The following PPFIA4 variants were observed in gnomAD, a reference collection of about 807,000 sequenced individuals.
PPFIA4 encodes the protein PPFI scaffold protein A4.
In PPFIA4, 98 loss-of-function variants were observed where a neutral mutation model predicts 145.7. The ratio of observed to expected loss-of-function variants is 0.67; its 90% CI spans 0.57 to 0.80. PPFIA4 has a LOEUF of 0.80. PPFIA4 is among the 30% of genes least tolerant of loss of function. The probability of loss-of-function intolerance (pLI) is 0.00; values close to 1 mark genes in which losing one functional copy is unlikely to be tolerated. For synonymous variants in PPFIA4, 628 were observed against 649.6 expected (o/e 0.97, Z 0.51); for missense variants, 1,457 against 1,632.7 (o/e 0.89, Z 1.85).
intron 15 of PPFIA4, among the ~76,000 whole-genome samples, chr1:203,054,890 G>A (rs1416125523): frequency 2.0e-5 from 3 of 152,218 alleles, no homozygotes; most frequent in South Asian, 4.1e-4. Context: ...TTGTGAAAGG[G>A]AGTGGGCATC....
chr1:203,035,425 G>A (rs1659169579), intron 1 of PPFIA4: 2 of 426,370 alleles, frequency 4.7e-6, no homozygotes, highest in Non-Finnish European at 4.8e-6. Context: ...TGACTTTTGG[G>A]ATGCCAAAGA....
chr1:203,038,371 C>T (rs949875294), intron 1 of PPFIA4, among the ~76,000 whole-genome samples: 2 of 152,202 alleles, frequency 1.3e-5, no homozygotes, highest in Admixed American at 6.5e-5. Context: ...GCCACTGCGG[C>T]TGCACTTCTG....
chr1:203,075,924 C>A lies in PPFIA4; in HGVS notation c.3574+167C>A. The A allele has an allele frequency of 1.4e-6, 1 of 709,344 alleles. No individual in the cohort carries two copies. The highest frequency in any genetic ancestry group is 2.1e-6 in the Non-Finnish European group (1 of 480,392). The allele number at this position is 709,344 out of a possible 1,614,324, so 43.9% of individuals were successfully genotyped here. A position where few individuals can be genotyped will look rare whatever the true frequency, so the allele number is the denominator to read the frequency against. The stretch of plus-strand genomic sequence containing the variant: ...CGCGGGGAGCGTGTGTGCGCACTAA[C>A]CCGCCGCTCTGTGTGTTCTCCCGCG... On this transcript the variant is annotated intron_variant, in intron 29 of 29. Transcript: ENST00000295706. The surrounding 1 kb of genome is among the most constrained non-coding windows in gnomAD (Gnocchi z 4.1).
intron 1 of PPFIA4, among the ~76,000 whole-genome samples, chr1:203,033,873 A>G (rs1030845900): frequency 5.3e-5 from 8 of 152,276 alleles, no homozygotes; most frequent in Non-Finnish European, 8.8e-5. Context: ...AATCCCAGCT[A>G]CTCGGAGGCT....
At chr1:203,039,691 C>T (rs928833786) in intron 2 of PPFIA4, among the ~76,000 whole-genome samples, 1 of 152,232 alleles carries the variant, frequency 6.6e-6, no homozygotes, top group Admixed American at 6.5e-5. Flanking sequence ...ATAGGCAGGG[C>T]TGAATCTAGC....
At chr1:203,035,400 A>G (rs1659167502) in intron 1 of PPFIA4, 1 of 437,994 alleles carries the variant, frequency 2.3e-6, no homozygotes, top group Non-Finnish European at 4.6e-6. Context: ...CCTGTGTGTT[A>G]GGAAAAGGTG....
chr1:203,076,450 C>T lies in PPFIA4; in HGVS notation c.*60C>T. 2 of 1,503,906 alleles carry T rather than the reference C, an allele frequency of 1.3e-6. No homozygotes were observed. The highest frequency in any genetic ancestry group is 1.7e-5 in the Admixed American group (1 of 59,752). The allele number at this position is 1,503,906 out of a possible 1,614,324, so 93.2% of individuals were successfully genotyped here. ...TTTCACAGGCTCCTCTGGCCCTGAC[C>T]CCTCTTGCTCGTTCCCCTTCCTTCC... On this transcript the variant is annotated 3_prime_UTR_variant, in exon 30 of 30. Coordinates refer to ENST00000295706, the MANE Select transcript of PPFIA4 (RefSeq NM_001304331.2).
At position 203,060,265 on chromosome 1, in the gene PPFIA4, G is replaced by A. The variant is rs925019525; in HGVS notation, c.2632G>A (p.Val878Ile). ...AWYVAACRAN[V>I]KSGAIMSALS... is the part of the protein sequence containing the mutation. ...GTATGTGGCAGCCTGCCGGGCCAAC[G>A]TCAAGAGTGGTGCCATCATGTCCGC... is the stretch of plus-strand genomic sequence containing the variant. The change falls in exon 22 of 30, where the codon GTC becomes ATC. Residue 878 changes from valine (V) to isoleucine (I), a missense_variant. Coordinates refer to ENST00000295706, the MANE Select transcript of PPFIA4 (RefSeq NM_001304331.2). The surrounding 1 kb of genome is among the most constrained non-coding windows in gnomAD (Gnocchi z 4.8). 65 of 1,614,034 alleles carry A rather than the reference G, an allele frequency of 4.0e-5. No homozygotes were observed. In the East Asian group the frequency reaches 9.4e-4, roughly 23 times the overall value.
Position 203,049,656 on chromosome 1 carries a change from C to T in PPFIA4, c.1420-20C>T, listed in dbSNP as rs1660352660. On this transcript the variant is annotated intron_variant, in intron 12 of 29. Coordinates refer to ENST00000295706, the MANE Select transcript of PPFIA4 (RefSeq NM_001304331.2). ...TCCCTGGCCCCCACTCCCGCCCCCA[C>T]CCCGGGTCTGCTGGCACAGGGCCGC... The T allele has an allele frequency of 1.3e-6, 2 of 1,504,840 alleles. No individual in the cohort carries two copies. The highest frequency in any genetic ancestry group is 2.5e-5 in the East Asian group (1 of 39,506). 93.2% of individuals were successfully genotyped at this position (1,504,840 alleles called of 1,614,324 possible).
chr1:203,027,096 G>A (rs1774845), intron 1 of PPFIA4, among the ~76,000 whole-genome samples: 61,998 of 152,156 alleles, frequency 0.41, 13,063 homozygotes, highest in African/African-American at 0.49. Flanking sequence ...TAGCACCCCT[G>A]TTCCTGTCGC....
rs761747469 is a variant in PPFIA4, at chr1:203,046,001, G to T, written c.1005+14G>T. The T allele has an allele frequency of 6.2e-7, 1 of 1,612,336 alleles. No homozygotes were observed. Among genetic ancestry groups the T allele is most frequent in the Non-Finnish European group, 8.5e-7 (1 of 1,179,842 alleles). ...CTGCACCGCCAGGTACCTCCTCAGGGTGGGGTGGGGATGGGCATTGTACTT... is the reference window on the plus strand; with the variant it reads ...CTGCACCGCCAGGTACCTCCTCAGGTTGGGGTGGGGATGGGCATTGTACTT... On this transcript the variant is annotated intron_variant, in intron 8 of 29. Transcript: ENST00000295706.
In PPFIA4 at chr1:203,045,450, T is replaced by TCAC; in HGVS notation, c.751_753dup (p.Thr251dup). 4 of 1,609,962 alleles carry TCAC rather than the reference T, an allele frequency of 2.5e-6. No homozygotes were observed. The highest frequency in any genetic ancestry group is 3.4e-6 in the Non-Finnish European group (4 of 1,178,754). ...TTGAGCCAGGCCCGGGAGCGACTGG[T>TCAC]CACCCTAACAACAACCGTGACTGAA... On this transcript the variant is annotated inframe_insertion, in exon 7 of 30. Transcript: ENST00000295706.
intron 9 of PPFIA4, among the ~76,000 whole-genome samples, chr1:203,046,665 T>C (rs891839116): frequency 6.6e-5 from 10 of 151,408 alleles, no homozygotes; most frequent in East Asian, 1.9e-4. Flanking sequence ...CTTTTTCTTT[T>C]TTTTTTTTTT....
Position 203,056,364 on chromosome 1 carries a change from T to C in PPFIA4, c.2107-11T>C, listed in dbSNP as rs773413348. On this transcript the variant is annotated splice_polypyrimidine_tract_variant and intron_variant, in intron 17 of 29. Transcript: ENST00000295706. The stretch of plus-strand genomic sequence containing the variant: ...TCCCTCTATCCCCTGACGGCTCCAC[T>C]GTCTGTTCAGTCGCCAGTGTCTCGG... 2.5e-6 allele frequency: 4 copies of C among 1,613,298 alleles called. No homozygotes were observed. The highest frequency in any genetic ancestry group is 2.7e-5 in the African/African-American group (2 of 74,900).
chr1:203,047,548 C>A (rs774920327), intron 9 of PPFIA4, among the ~76,000 whole-genome samples: 1 of 152,106 alleles, frequency 6.6e-6, no homozygotes, highest in African/African-American at 2.4e-5. Context: ...GAATATCTTG[C>A]CAGCAGAGAC....
At chr1:203,045,682 G>A (rs1660029573) in intron 7 of PPFIA4, 123 bp downstream of exon 7, 4 of 1,448,724 alleles carry the variant, frequency 2.8e-6, no homozygotes, top group Admixed American at 4.3e-5. Flanking sequence ...TTGTTGGGGG[G>A]CGGTCATGGA....
rs1661264371 is a variant in PPFIA4 at position 203,060,208 on chromosome 1, T to C, written c.2584-9T>C. The stretch of plus-strand genomic sequence containing the variant: ...CCTTGAATTACCTCCCTGTGCCCGG[T>C]GTCTGCAGCTCTGGGTGGGGATGCC... On this transcript the variant is annotated splice_polypyrimidine_tract_variant and intron_variant, in intron 21 of 29. Transcript: ENST00000295706. This position sits in a 1 kb window ranked among gnomAD's most constrained non-coding sequence, Gnocchi z 4.8. The C allele has an allele frequency of 1.2e-6, 2 of 1,613,206 alleles. No homozygotes were observed. The highest frequency in any genetic ancestry group is 1.7e-6 in the Non-Finnish European group (2 of 1,179,758).
rs1661924103 is a variant in PPFIA4 at position 203,068,813 on chromosome 1, T to C, written c.3324+185T>C. Among the ~76,000 whole-genome samples, 1 of 152,282 alleles carries C rather than the reference T, an allele frequency of 6.6e-6. No homozygotes were observed. Among genetic ancestry groups the C allele is most frequent in the Non-Finnish European group, 1.5e-5 (1 of 68,004 alleles). ...ATCGCTGTGCATAAGCAAGCCCTCA[T>C]GGGAACACATGGCCTTCACATACAG... On this transcript the variant is annotated intron_variant, in intron 27 of 29. Coordinates refer to ENST00000295706, the MANE Select transcript of PPFIA4 (RefSeq NM_001304331.2). This position sits in a 1 kb window ranked among gnomAD's most constrained non-coding sequence, Gnocchi z 4.7.
At chr1:203,035,762 G>C (rs560155181) in intron 1 of PPFIA4, 1 of 426,262 alleles carries the variant, frequency 2.3e-6, no homozygotes, top group African/African-American at 2.0e-5. Flanking sequence ...GGTGCCCCAC[G>C]TGGCTGTCCT....
Sources: gnomAD v4.1 joint callset for allele counts (sites outside exome capture counted in the v4.1 genomes callset) on GRCh38, gnomAD v4.1.1 for gene constraint, Gnocchi (gnomAD v3.1) non-coding constraint, MANE v1.5 for transcripts, NCBI Gene and HGNC (gene_info 2026-07-23, HGNC 2026-07-21) for gene names.